The following CAPN14 variants were observed in gnomAD, a reference collection of about 807,000 sequenced individuals.
CAPN14 encodes calpain 14, also known as calpain-14.
Under a neutral mutation model 101.3 loss-of-function variants are expected in CAPN14, and 94 were observed. The observed-to-expected ratio is 0.93, with a 90% CI of 0.79 to 1.10. CAPN14 has a LOEUF of 1.10. CAPN14 is among the 50% of genes least tolerant of loss of function. CAPN14 has a pLI of 0.00. For synonymous variants in CAPN14, 338 were observed against 317.9 expected (o/e 1.06, Z -0.67); for missense variants, 837 against 828.4 (o/e 1.01, Z -0.13).
At chr2:31,194,327 C>T in intron 9 of CAPN14, 82 bp downstream of exon 9, 1 of 1,018,870 alleles carries the variant, frequency 9.8e-7, no homozygotes, top group Non-Finnish European at 1.5e-6. Context: ...TTCCTGGCAC[C>T]CATAAGGCAT....
At chr2:31,210,553 G>C (rs567906699) in intron 1 of CAPN14, among the ~76,000 whole-genome samples, 2 of 152,282 alleles carry the variant, frequency 1.3e-5, no homozygotes, top group South Asian at 4.1e-4. Context: ...AGGAGAATTA[G>C]TTTTCACTTA....
At chr2:31,232,218 T>C (rs1683216756) in intron 1 of CAPN14, among the ~76,000 whole-genome samples, 1 of 152,196 alleles carries the variant, frequency 6.6e-6, no homozygotes, top group Admixed American at 6.5e-5. Flanking sequence ...CCCTAATTAG[T>C]GGAAGAGCTT....
chr2:31,189,426 G>T lies in CAPN14; in HGVS notation c.1340C>A (p.Pro447His). The change falls in exon 13 of 22, where the codon CCT (proline) becomes CAT (histidine). Residue 447 changes from proline to histidine, a missense_variant. Pro to His is a moderately conservative substitution (Grantham distance 77). Transcript: ENST00000403897. ...LPPEFFQRNT[P>H]LSQPDRFLKE... Reference sequence around the variant, plus strand: ...GAGAAACCTATCAGGCTGGCTCAGAGGAGTGTTTCTCTGGAAGAACTCAGG... The same window carrying T: ...GAGAAACCTATCAGGCTGGCTCAGATGAGTGTTTCTCTGGAAGAACTCAGG... 1 of 1,551,716 alleles carries T rather than the reference G, an allele frequency of 6.4e-7. No individual in the cohort carries two copies. Among genetic ancestry groups the T allele is most frequent in the Non-Finnish European group, 8.7e-7 (1 of 1,147,000 alleles).
At chr2:31,214,663 C>A (rs1488049172) in intron 1 of CAPN14, among the ~76,000 whole-genome samples, 1 of 152,152 alleles carries the variant, frequency 6.6e-6, no homozygotes, top group South Asian at 2.1e-4. Context: ...TACTCACCCC[C>A]AGCTGCCCCA....
rs151139369 is a variant in CAPN14 at position 31,217,215 on chromosome 2, T to C, written c.-53+241A>G. Among the ~76,000 whole-genome samples the C allele has an allele frequency of 2.4e-3, 370 of 152,278 alleles. 1 individual carries two copies. The highest frequency in any genetic ancestry group is 4.2e-3 in the Non-Finnish European group (283 of 68,030). ...AGATACTCCCATCTTTTTTTTTAAA[T>C]GAGGAGATTGGGGCCAAAGGGCTGA... is the stretch of plus-strand genomic sequence containing the variant. On this transcript the variant is annotated intron_variant, in intron 1 of 21. Transcript: ENST00000403897.
upstream of CAPN14, among the ~76,000 whole-genome samples, chr2:31,218,556 T>C (rs765822604): frequency 1.3e-5 from 2 of 152,226 alleles, no homozygotes; most frequent in African/African-American, 4.8e-5. Context: ...ATATTGATAA[T>C]AATAGCCAAC....
At chr2:31,183,863 CTCTT>C (rs1343681672) in intron 16 of CAPN14, among the ~76,000 whole-genome samples, 8 of 139,474 alleles carry the variant, frequency 5.7e-5, no homozygotes, top group East Asian at 2.5e-4. Flanking sequence ...CCCTCTCTCT[CTCTT>C]TCTTTCTTTT....
chr2:31,175,837 G>A (rs938237526), intron 21 of CAPN14, among the ~76,000 whole-genome samples: 5 of 152,184 alleles, frequency 3.3e-5, no homozygotes, highest in African/African-American at 1.2e-4. Context: ...AAGAGCAGAG[G>A]ATTGAACTCC....
At chr2:31,178,119 T>C (rs1209381836) in intron 18 of CAPN14, among the ~76,000 whole-genome samples, 2 of 152,226 alleles carry the variant, frequency 1.3e-5, no homozygotes, top group Non-Finnish European at 2.9e-5. Flanking sequence ...TTTAAAGTGA[T>C]TCCAGCTTTC....
In CAPN14 at chr2:31,202,211, G is replaced by T; in HGVS notation, c.337C>A (p.His113Asn). Residue 113 changes from histidine (H) to asparagine (N), a missense_variant, in exon 4 of 22, where the codon CAC (histidine) becomes AAC (asparagine). Coordinates refer to ENST00000403897, the MANE Select transcript of CAPN14 (RefSeq NM_001145122.2). ...FLAALQALALHQDILSRVVPL... is the reference protein window; with the variant it reads ...FLAALQALALNQDILSRVVPL... ...ACAACCCGGCTCAGGATGTCCTGGTGCAAGGCCAGAGCTTGCAAAGCAGCC... is the reference window on the plus strand; with the variant it reads ...ACAACCCGGCTCAGGATGTCCTGGTTCAAGGCCAGAGCTTGCAAAGCAGCC... 2 of 1,551,566 alleles carry T rather than the reference G, an allele frequency of 1.3e-6. No homozygotes were observed. Among genetic ancestry groups the T allele is most frequent in the Non-Finnish European group, 1.7e-6 (2 of 1,147,016 alleles).
chr2:31,183,491 A>G lies in CAPN14; in HGVS notation c.1646-2491T>C, dbSNP rs550527137. Among the ~76,000 whole-genome samples the G allele has an allele frequency of 7.2e-3, 1,097 of 152,236 alleles. 9 individuals are homozygous for G. Among genetic ancestry groups the G allele is most frequent in the East Asian group, 0.014 (70 of 5,184 alleles). ...CAATGAACTCACACAAATTTACAAG[A>G]AAAAAACAAACAACCCCATCAAAAA... On this transcript the variant is annotated intron_variant, in intron 16 of 21. Transcript: ENST00000403897.
chr2:31,191,824 G>GGTCT, intron 11 of CAPN14, 111 bp downstream of exon 11: 4 of 1,097,508 alleles, frequency 3.6e-6, no homozygotes, highest in Non-Finnish European at 5.1e-6. Flanking sequence ...TGAAAACCCA[G>GGTCT]GTCTGTGAAC....
chr2:31,202,948 G>T lies in CAPN14; in HGVS notation c.295+122C>A. ...CCAGGTAGCGTTTTGCCAGTGAATA[G>T]CCATTTTGGGCCTCTCTCCAGTGGG... On this transcript the variant is annotated intron_variant, in intron 3 of 21. Coordinates refer to ENST00000403897, the MANE Select transcript of CAPN14 (RefSeq NM_001145122.2). 4.0e-6 allele frequency: 3 copies of T among 748,880 alleles called. No homozygotes were observed. In the East Asian group the frequency reaches 8.1e-5, roughly 20 times the overall value. 46.4% of individuals were successfully genotyped at this position (748,880 alleles called of 1,614,324 possible).
intron 1 of CAPN14, among the ~76,000 whole-genome samples, chr2:31,210,127 G>T (rs1317487890): frequency 6.6e-6 from 1 of 152,196 alleles, no homozygotes; most frequent in African/African-American, 2.4e-5. Flanking sequence ...GGACAGAAAT[G>T]AATACTGTAT....
chr2:31,224,577 A>G (rs1682965709), intron 2 of CAPN14, among the ~76,000 whole-genome samples: 1 of 152,148 alleles, frequency 6.6e-6, no homozygotes, highest in Non-Finnish European at 1.5e-5. Flanking sequence ...AAAATATGAA[A>G]TATACATTAT....
intron 1 of CAPN14, among the ~76,000 whole-genome samples, chr2:31,205,770 C>T (rs927509597): frequency 6.6e-6 from 1 of 152,058 alleles, no homozygotes; most frequent in Non-Finnish European, 1.5e-5. Context: ...TCCTGGGCCC[C>T]TGACTGCACC....
chr2:31,233,252 C>G (rs1683251586), intron 1 of CAPN14, among the ~76,000 whole-genome samples: 1 of 152,212 alleles, frequency 6.6e-6, no homozygotes. Flanking sequence ...GCCTCCCTCA[C>G]TCTCTTTCAC....
intron 2 of CAPN14, among the ~76,000 whole-genome samples, chr2:31,223,896 T>A (rs1682938894): frequency 6.6e-6 from 1 of 152,172 alleles, no homozygotes; most frequent in African/African-American, 2.4e-5. Flanking sequence ...AATGAAGTCA[T>A]CTATGTAAGA....
At chr2:31,208,151 T>C (rs1682201565) in intron 1 of CAPN14, among the ~76,000 whole-genome samples, 1 of 151,596 alleles carries the variant, frequency 6.6e-6, no homozygotes, top group East Asian at 1.9e-4. Context: ...GGTCTTTTAT[T>C]TTTTTGACTC....
Sources: gnomAD v4.1 joint callset for allele counts (sites outside exome capture counted in the v4.1 genomes callset) on GRCh38, gnomAD v4.1.1 for gene constraint, MANE v1.5 for transcripts, NCBI Gene and HGNC (gene_info 2026-07-23, HGNC 2026-07-21) for gene names.